Variants in BRD7 observed in about 807,000 individuals in gnomAD.
The protein encoded by BRD7 is bromodomain-containing protein 7.
In BRD7, 15 loss-of-function variants were observed where a neutral mutation model predicts 82.1. The observed-to-expected ratio is 0.18, with a 90% CI of 0.12 to 0.28. The LOEUF (loss-of-function observed/expected upper bound fraction) is 0.28. Ranked by LOEUF, BRD7 falls within the 10% of genes least tolerant of loss-of-function variation. The pLI, the probability that BRD7 is intolerant of heterozygous loss-of-function variation, is 1.00. For synonymous variants in BRD7, 232 were observed against 266.9 expected (o/e 0.87, Z 1.27); for missense variants, 638 against 779.9 (o/e 0.82, Z 2.17).
chr16:50,327,517 C>T (rs2037389321), intron 9 of BRD7, among the ~76,000 whole-genome samples: 1 of 152,226 alleles, frequency 6.6e-6, no homozygotes, highest in Non-Finnish European at 1.5e-5. Context: ...GTTTTGAAAA[C>T]AGCACTAGCT....
chr16:50,341,227 C>T (rs2038039099), intron 5 of BRD7, among the ~76,000 whole-genome samples: 1 of 147,690 alleles, frequency 6.8e-6, no homozygotes, highest in South Asian at 2.2e-4. Flanking sequence ...CACAGCTGAA[C>T]ACAAAAGTCT....
At chr16:50,320,899 A>C in intron 13 of BRD7, 125 bp from the exon 14 acceptor site, 1 of 682,782 alleles carries the variant, frequency 1.5e-6, no homozygotes, top group Non-Finnish European at 2.6e-6. Flanking sequence ...ATGGAGTCCT[A>C]ATTTTGATGC....
At chr16:50,353,658 A>C (rs1215148037) in intron 4 of BRD7, among the ~76,000 whole-genome samples, 1 of 151,834 alleles carries the variant, frequency 6.6e-6, no homozygotes, top group Non-Finnish European at 1.5e-5. Flanking sequence ...CAGTGGTGCA[A>C]TCTCGGCTCA....
chr16:50,356,737 T>TACACAC (rs147556563), intron 2 of BRD7, among the ~76,000 whole-genome samples: 5 of 147,112 alleles, frequency 3.4e-5, no homozygotes, highest in South Asian at 2.1e-4. Flanking sequence ...TATATATATA[T>TACACAC]ATACACACAC....
chr16:50,359,324 T>G (rs190756291), intron 2 of BRD7, among the ~76,000 whole-genome samples: 43 of 152,352 alleles, frequency 2.8e-4, no homozygotes, highest in Non-Finnish European at 4.7e-4. Flanking sequence ...AACTATATAA[T>G]TTTTTGGAGT....
chr16:50,326,751 T>A (rs984699863), intron 9 of BRD7, among the ~76,000 whole-genome samples: 1 of 152,202 alleles, frequency 6.6e-6, no homozygotes, highest in Admixed American at 6.5e-5. Flanking sequence ...AGTAAAAGAC[T>A]GAGGGAAAAC....
intron 2 of BRD7, among the ~76,000 whole-genome samples, chr16:50,358,596 T>C (rs2038830050): frequency 1.3e-5 from 2 of 151,998 alleles, no homozygotes; most frequent in African/African-American, 4.8e-5. Context: ...ACATGCAAGA[T>C]GGAGATTTAA....
chr16:50,360,516 T>C (rs538891266), intron 2 of BRD7, among the ~76,000 whole-genome samples: 1 of 152,192 alleles, frequency 6.6e-6, no homozygotes, highest in Non-Finnish European at 1.5e-5. Context: ...AGCCATTAGC[T>C]CTATGATGCT....
intron 5 of BRD7, chr16:50,349,473 C>T (rs191595683): frequency 2.6e-5 from 12 of 459,092 alleles, no homozygotes; most frequent in African/African-American, 8.1e-5. Context: ...CTCTCTCCTG[C>T]TGCCATGTGA....
At position 50,331,699 on chromosome 16, in the gene BRD7, G is replaced by A. The variant is rs115238553; in HGVS notation, c.1011+1875C>T. 9.0e-3 allele frequency among the ~76,000 whole-genome samples: 1,363 copies of A among 152,266 alleles called. 21 individuals carry two copies. The highest frequency in any genetic ancestry group is 0.031 in the African/African-American group (1,293 of 41,556). On this transcript the variant is annotated intron_variant, in intron 8 of 16. Transcript: ENST00000394688. The stretch of plus-strand genomic sequence containing the variant: ...AGCCTGGGCGACAGAGTGACACCCT[G>A]TCTCAAAATCAAACCAAACCAAACA...
At chr16:50,353,269 T>G (rs2038607425) in intron 4 of BRD7, among the ~76,000 whole-genome samples, 1 of 152,128 alleles carries the variant, frequency 6.6e-6, no homozygotes, top group Admixed American at 6.5e-5. Flanking sequence ...CTCACTATGT[T>G]GCCCAGGCTG....
At position 50,334,794 on chromosome 16, in the gene BRD7, G is replaced by C; in HGVS notation, c.804C>G (p.Asp268Glu). 3 of 1,613,998 alleles carry C rather than the reference G, an allele frequency of 1.9e-6. No individual in the cohort carries two copies. Among genetic ancestry groups the C allele is most frequent in the Non-Finnish European group, 2.5e-6 (3 of 1,179,956 alleles). ...DGTDTSQSGE[D>E]GGCWQRERED... Reference sequence around the variant, plus strand: ...CTCTCTCTCTCTGCCAGCAGCCTCCGTCCTCCCCACTCTGTGAGGTGTCTG... The same window carrying C: ...CTCTCTCTCTCTGCCAGCAGCCTCCCTCCTCCCCACTCTGTGAGGTGTCTG... The change falls in exon 7 of 17, where the codon GAC becomes GAG. Residue 268 changes from aspartate to glutamate, a missense_variant. Coordinates refer to ENST00000394688, the MANE Select transcript of BRD7 (RefSeq NM_013263.5).
At chr16:50,354,128 T>G (rs183882352) in intron 4 of BRD7, among the ~76,000 whole-genome samples, 170 of 152,336 alleles carry the variant, frequency 1.1e-3, no homozygotes, top group African/African-American at 3.8e-3. Context: ...ATTAGCAAAG[T>G]GGAAATATCT....
At chr16:50,324,038 T>C (rs1352805856) in intron 11 of BRD7, among the ~76,000 whole-genome samples, 3 of 152,098 alleles carry the variant, frequency 2.0e-5, no homozygotes, top group Non-Finnish European at 4.4e-5. Flanking sequence ...TCTCAAAAGT[T>C]ACACCTCCAG....
At chr16:50,352,839 TAA>T (rs1400048003) in intron 4 of BRD7, among the ~76,000 whole-genome samples, 4 of 152,056 alleles carry the variant, frequency 2.6e-5, no homozygotes, top group African/African-American at 9.7e-5. Context: ...TTCTTTTAAT[TAA>T]GTCATTTCTT....
At chr16:50,349,835 A>G (rs2038447278) in intron 5 of BRD7, among the ~76,000 whole-genome samples, 188 bp downstream of exon 5, 1 of 152,250 alleles carries the variant, frequency 6.6e-6, no homozygotes, top group African/African-American at 2.4e-5. Flanking sequence ...GAAAGATATC[A>G]GAGGACCTAT....
Position 50,319,278 on chromosome 16 carries a change from A to AGAC in BRD7, c.1901-15_1901-13dup. 1 of 1,611,798 alleles carries AGAC rather than the reference A, an allele frequency of 6.2e-7. No homozygotes were observed. The highest frequency in any genetic ancestry group is 1.1e-5 in the South Asian group (1 of 90,372). ...AGGTTCTTCAGTGTCTGAAAGAAAA[A>AGAC]GACATCACTTAATTCAACATTGTTT... On this transcript the variant is annotated splice_polypyrimidine_tract_variant and intron_variant, in intron 16 of 16. Coordinates refer to ENST00000394688, the MANE Select transcript of BRD7 (RefSeq NM_013263.5).
intron 2 of BRD7, 45 bp from the exon 3 acceptor site, chr16:50,354,967 A>G (rs767182706): frequency 1.5e-5 from 23 of 1,584,080 alleles, no homozygotes; most frequent in South Asian, 2.3e-5. Flanking sequence ...TTCAGAACCA[A>G]TATCTTTAAA....
intron 12 of BRD7, among the ~76,000 whole-genome samples, 196 bp from the exon 13 acceptor site, chr16:50,322,234 T>C (rs941688507): frequency 1.3e-5 from 2 of 152,226 alleles, no homozygotes; most frequent in Non-Finnish European, 2.9e-5. Context: ...GGGGTACTTA[T>C]TACTGGTGAT....
Sources: gnomAD v4.1 joint callset for allele counts (sites outside exome capture counted in the v4.1 genomes callset) on GRCh38, gnomAD v4.1.1 for gene constraint, MANE v1.5 for transcripts, NCBI Gene and HGNC (gene_info 2026-07-23, HGNC 2026-07-21) for gene names.